Variants in SMURF1 observed in about 807,000 individuals in gnomAD.
SMURF1 encodes SMAD specific E3 ubiquitin protein ligase 1, also known as E3 ubiquitin-protein ligase SMURF1.
Under a neutral mutation model 98.0 loss-of-function variants are expected in SMURF1, and 44 were observed. The observed-to-expected ratio is 0.45, with a 90% CI of 0.35 to 0.58. The LOEUF (loss-of-function observed/expected upper bound fraction) is 0.58, where lower values mean the gene tolerates loss of function less well. Among genes scored for constraint, SMURF1 ranks in the 20% least tolerant of loss-of-function variants. The pLI is 0.00. For synonymous variants in SMURF1, 396 were observed against 374.9 expected (o/e 1.06, Z -0.65); for missense variants, 687 against 938.4 (o/e 0.73, Z 3.50).
At chr7:99,034,523 A>C (rs187837837) in intron 16 of SMURF1, among the ~76,000 whole-genome samples, 1 of 152,094 alleles carries the variant, frequency 6.6e-6, no homozygotes, top group Non-Finnish European at 1.5e-5. Context: ...GGGGATAATA[A>C]ATCCCATGAC....
chr7:99,116,567 A>G (rs1475844328), intron 1 of SMURF1, among the ~76,000 whole-genome samples: 1 of 152,244 alleles, frequency 6.6e-6, no homozygotes, highest in Non-Finnish European at 1.5e-5. Context: ...TCAATATACC[A>G]GCAATGACAA....
rs756070193 is a variant in SMURF1 at position 99,030,482 on chromosome 7, C to G, written c.*102G>C. On this transcript the variant is annotated 3_prime_UTR_variant, in exon 18 of 18. Transcript: ENST00000361368. ...AGACAACCCTTTCCCCTCAGGTGAT[C>G]TGGAATTCCAGGGCCTCTGCCAGCT... 1.1e-5 allele frequency: 11 copies of G among 967,324 alleles called. No individual in the cohort carries two copies. The South Asian group carries it at 1.2e-4, about 10-fold the overall frequency. The allele number at this position is 967,324 out of a possible 1,614,324, so 59.9% of individuals were successfully genotyped here. A position where few individuals can be genotyped will look rare whatever the true frequency, so the allele number is the denominator to read the frequency against.
At chr7:99,043,886 T>C (rs1040637566) in intron 11 of SMURF1, among the ~76,000 whole-genome samples, 8 of 152,114 alleles carry the variant, frequency 5.3e-5, no homozygotes, top group Non-Finnish European at 1.2e-4. Flanking sequence ...CCCAGGACAA[T>C]GGACCTCACC....
intron 1 of SMURF1, among the ~76,000 whole-genome samples, chr7:99,127,716 CA>C (rs201412115): frequency 0.015 from 2,298 of 152,202 alleles, 47 homozygotes; most frequent in African/African-American, 0.05. Context: ...TTCAAATTAA[CA>C]AGTTGGGTTT....
intron 1 of SMURF1, among the ~76,000 whole-genome samples, chr7:99,099,713 G>C (rs1797032315): frequency 1.3e-5 from 2 of 152,132 alleles, no homozygotes; most frequent in Admixed American, 6.5e-5. Context: ...CACTCTCACG[G>C]AATGGATTCA....
intron 1 of SMURF1, among the ~76,000 whole-genome samples, chr7:99,129,996 C>T (rs1797835053): frequency 6.6e-6 from 1 of 152,278 alleles, no homozygotes; most frequent in East Asian, 1.9e-4. Context: ...CTATAAAAAT[C>T]ATATTATTGC....
intron 16 of SMURF1, among the ~76,000 whole-genome samples, chr7:99,034,493 C>G (rs1000897438): frequency 1.3e-5 from 2 of 152,146 alleles, no homozygotes; most frequent in South Asian, 4.1e-4. Flanking sequence ...CCACTCACAC[C>G]TCCTGTTTTT....
At chr7:99,042,344 A>T in intron 11 of SMURF1, 112 bp from the exon 12 acceptor site, 1 of 667,298 alleles carries the variant, frequency 1.5e-6, no homozygotes, top group Non-Finnish European at 2.5e-6. Context: ...CAGTGGCATG[A>T]TCTTGGCTCA....
At chr7:99,080,204 G>C (rs750100608) in intron 1 of SMURF1, among the ~76,000 whole-genome samples, 7 of 152,214 alleles carry the variant, frequency 4.6e-5, no homozygotes, top group African/African-American at 1.2e-4. Flanking sequence ...TTTGGCCAAA[G>C]AGTAGTGAAA....
At chr7:99,108,611 C>CAAAAAAAAAAAAAAAAAA (rs11458541) in intron 1 of SMURF1, among the ~76,000 whole-genome samples, 1 of 58,558 alleles carries the variant, frequency 1.7e-5, no homozygotes, top group Non-Finnish European at 3.0e-5. Context: ...AACTCTGTCT[C>CAAAAAAAAAAAAAAAAAA]AAAAAAAAAA....
At position 99,049,556 on chromosome 7, in the gene SMURF1, G is replaced by GTCTT; in HGVS notation, c.953+3_953+6dup. ...GAGGTCAGCAAAAAATATTTTTAAAGTCTTACTTCATGATGTGGTGTAACC... is the reference window on the plus strand; with the variant it reads ...GAGGTCAGCAAAAAATATTTTTAAAGTCTTTCTTACTTCATGATGTGGTGTAACC... On this transcript the variant is annotated splice_region_variant and intron_variant, in intron 9 of 17. Coordinates refer to ENST00000361368, the MANE Select transcript of SMURF1 (RefSeq NM_181349.3). 1 of 1,611,864 alleles carries GTCTT rather than the reference G, an allele frequency of 6.2e-7. No individual in the cohort carries two copies. Among genetic ancestry groups the GTCTT allele is most frequent in the Non-Finnish European group, 8.5e-7 (1 of 1,179,240 alleles).
chr7:99,071,374 G>T (rs905456097), intron 1 of SMURF1, among the ~76,000 whole-genome samples: 1 of 152,110 alleles, frequency 6.6e-6, no homozygotes, highest in Admixed American at 6.5e-5. Context: ...ACGGGACACG[G>T]AACTTTTTAT....
chr7:99,075,981 T>C (rs1428805735), intron 1 of SMURF1, among the ~76,000 whole-genome samples: 1 of 152,272 alleles, frequency 6.6e-6, no homozygotes, highest in Non-Finnish European at 1.5e-5. Flanking sequence ...AACACACGTA[T>C]ATAATTAGCA....
In SMURF1 at chr7:99,030,698, AAG is replaced by A. The variant is rs778361592; in HGVS notation, c.2097-17_2097-16del. The A allele has an allele frequency of 2.5e-5, 40 of 1,611,322 alleles. No homozygotes were observed. In the East Asian group the frequency reaches 8.0e-4, roughly 32 times the overall value. Reference sequence around the variant, plus strand: ...TCCGGTTAAAGCTGAAAAAGGACAAAAGAGAGTCACCGTGTGGGCAGTCCAGC... The same window carrying A: ...TCCGGTTAAAGCTGAAAAAGGACAAAAGAGTCACCGTGTGGGCAGTCCAGC... On this transcript the variant is annotated splice_polypyrimidine_tract_variant and intron_variant, in intron 17 of 17. Transcript: ENST00000361368.
intron 1 of SMURF1, among the ~76,000 whole-genome samples, chr7:99,074,052 A>G (rs1796395168): frequency 6.6e-6 from 1 of 152,254 alleles, no homozygotes; most frequent in Non-Finnish European, 1.5e-5. Context: ...ACACACATTT[A>G]TGAATGAATC....
At chr7:99,037,018 C>T (rs778869752) in intron 15 of SMURF1, 49 bp downstream of exon 15, 82 of 1,611,610 alleles carry the variant, frequency 5.1e-5, no homozygotes, top group East Asian at 3.1e-4. Flanking sequence ...AACAGGCAGA[C>T]GCCAGCCACA....
intron 1 of SMURF1, chr7:99,120,819 AAAC>A (rs1797596528): frequency 6.6e-6 from 1 of 151,924 alleles, no homozygotes; most frequent in East Asian, 1.9e-4. Flanking sequence ...AAAAAAAAAA[AAAC>A]AACTTTAAAA....
At chr7:99,037,658 C>T (rs927406610) in intron 14 of SMURF1, among the ~76,000 whole-genome samples, 1 of 152,232 alleles carries the variant, frequency 6.6e-6, no homozygotes, top group East Asian at 1.9e-4. Context: ...ACCTTGGCAT[C>T]ACGTTAAAAA....
intron 1 of SMURF1, among the ~76,000 whole-genome samples, chr7:99,114,097 A>G (rs1430131911): frequency 1.3e-5 from 2 of 152,130 alleles, no homozygotes; most frequent in African/African-American, 4.8e-5. Context: ...ACTATATAAG[A>G]GCAAAGTTTT....
Sources: allele counts gnomAD v4.1 joint callset (sites outside exome capture counted in the v4.1 genomes callset), GRCh38; gene constraint gnomAD v4.1.1; transcripts MANE v1.5; gene names NCBI Gene and HGNC (gene_info 2026-07-23, HGNC 2026-07-21).